The following FANCG variants were observed in gnomAD, a reference collection of about 807,000 sequenced individuals.
FANCG encodes Fanconi anemia group G protein.
FANCG carries 67 observed loss-of-function variants against 73.3 expected under a neutral mutation model. The observed-to-expected ratio is 0.91, with a 90% CI of 0.75 to 1.12. The LOEUF (loss-of-function observed/expected upper bound fraction) is 1.12. Among genes scored for constraint, FANCG ranks in the 50% most tolerant of loss-of-function variants. The pLI, the probability that FANCG is intolerant of heterozygous loss-of-function variation, is 0.00. For missense variants in FANCG, 643 were observed against 735.6 expected, an observed-to-expected ratio of 0.87 and a Z score of 1.46; for synonymous variants, 297 against 311.6, an observed-to-expected ratio of 0.95 and a Z score of 0.49.
intron 8 of FANCG, 136 bp downstream of exon 8, chr9:35,076,296 G>C (rs1379734004): frequency 6.9e-6 from 7 of 1,019,684 alleles, no homozygotes; most frequent in African/African-American, 6.3e-5. Context: ...AGCAAGGTAA[G>C]AGGCTGAGGA....
Position 35,074,985 on chromosome 9 carries a change from G to A in FANCG, c.1578C>T (p.Ala526=), listed in dbSNP as rs1060504371. The change falls in exon 12 of 14, where the codon GCC becomes GCT. Residue 526 remains alanine, a synonymous_variant. Transcript: ENST00000378643. ...ALISRGLEWV[A]SGQDTKALQD... is the part of the protein sequence containing the mutation. Reference sequence around the variant, plus strand: ...GTAAGGCTTTGGTATCCTGGCCGCTGGCTACCCATTCCAGTCCACGACTAA... The same window carrying A: ...GTAAGGCTTTGGTATCCTGGCCGCTAGCTACCCATTCCAGTCCACGACTAA... 1.1e-5 allele frequency: 18 copies of A among 1,614,094 alleles called. No homozygotes were observed. Among genetic ancestry groups the A allele is most frequent in the Non-Finnish European group, 1.4e-5 (16 of 1,180,048 alleles).
chr9:35,076,555 G>T lies in FANCG; in HGVS notation c.953C>A (p.Ala318Asp). 2 of 1,614,198 alleles carry T rather than the reference G, an allele frequency of 1.2e-6. No homozygotes were observed. Among genetic ancestry groups the T allele is most frequent in the Non-Finnish European group, 1.7e-6 (2 of 1,180,030 alleles). The part of the protein sequence containing the change: ...EALNVPCSSK[A>D]PQFLIEVELL... ...TTCTACCTCAATGAGAAACTGCGGG[G>T]CTTTGGAACTGCATGGGACATTCAA... Residue 318 changes from alanine (A) to aspartate (D), a missense_variant, in exon 8 of 14, where the codon GCC becomes GAC. Coordinates refer to ENST00000378643, the MANE Select transcript of FANCG (RefSeq NM_004629.2).
rs1456650306 is a variant in FANCG at position 35,077,041 on chromosome 9, G to C, written c.707C>G (p.Ala236Gly). The C allele has an allele frequency of 3.7e-6, 6 of 1,614,206 alleles. No homozygotes were observed. Among genetic ancestry groups the C allele is most frequent in the Non-Finnish European group, 5.1e-6 (6 of 1,180,052 alleles). ...CACAGGCCGTGGACACAGGCCTGAG[G>C]CCGCTTCATGAAGGCTGCTTAGTGC... Reference protein sequence around the residue: ...DKALSSLHEAASGLCPRPVLV... With the variant: ...DKALSSLHEAGSGLCPRPVLV... Residue 236 changes from alanine (A) to glycine (G), a missense_variant, in exon 6 of 14, where the codon GCC becomes GGC. By Grantham distance (60) the Ala-to-Gly change is moderately conservative. Coordinates refer to ENST00000378643, the MANE Select transcript of FANCG (RefSeq NM_004629.2).
rs1377278351 is a variant in FANCG at position 35,074,030 on chromosome 9, T to C, written c.*78A>G. ...TATATAGGAATGGTCACATTCCTAA[T>C]GATGGTGAAGCAGAAAGCCCTCCCC... is the stretch of plus-strand genomic sequence containing the variant. On this transcript the variant is annotated 3_prime_UTR_variant, in exon 14 of 14. Transcript: ENST00000378643. The C allele has an allele frequency of 2.9e-6, 3 of 1,034,562 alleles. No homozygotes were observed. Among genetic ancestry groups the C allele is most frequent in the African/African-American group, 3.1e-5 (2 of 63,814 alleles). 64.1% of individuals were successfully genotyped at this position (1,034,562 alleles called of 1,614,324 possible). A position where few individuals can be genotyped will look rare whatever the true frequency, so the allele number is the denominator to read the frequency against.
chr9:35,076,215 GAA>G (rs1169403821), intron 8 of FANCG, 187 bp from the exon 9 acceptor site: 1 of 797,230 alleles, frequency 1.3e-6, no homozygotes, highest in Non-Finnish European at 2.1e-6. Flanking sequence ...ATGGACTGGG[GAA>G]GAGACTTCAG....
Position 35,075,607 on chromosome 9 carries a change from T to A in FANCG, c.1291A>T (p.Met431Leu). ...LSRTSSLLPK[M>L]SRLWEDARKG... is the part of the protein sequence containing the mutation. The stretch of plus-strand genomic sequence containing the variant: ...CTGGCATCTTCCCACAGCCGGGACA[T>A]CTTGGGTAGCAGAGATGATGTGCGG... Residue 431 changes from methionine to leucine, a missense_variant, in exon 10 of 14, where the codon ATG becomes TTG. Met to Leu is a conservative substitution (Grantham distance 15). Coordinates refer to ENST00000378643, the MANE Select transcript of FANCG (RefSeq NM_004629.2). The A allele has an allele frequency of 6.2e-7, 1 of 1,613,720 alleles. No individual in the cohort carries two copies. The highest frequency in any genetic ancestry group is 8.5e-7 in the Non-Finnish European group (1 of 1,179,940).
In FANCG at chr9:35,077,040, G is replaced by A; in HGVS notation, c.708C>T (p.Ala236=). Residue 236 remains alanine, a synonymous_variant, in exon 6 of 14, where the codon GCC becomes GCT. Coordinates refer to ENST00000378643, the MANE Select transcript of FANCG (RefSeq NM_004629.2). The part of the protein sequence containing the change: ...DKALSSLHEA[A]SGLCPRPVLV... ...ACACAGGCCGTGGACACAGGCCTGAGGCCGCTTCATGAAGGCTGCTTAGTG... is the reference window on the plus strand; with the variant it reads ...ACACAGGCCGTGGACACAGGCCTGAAGCCGCTTCATGAAGGCTGCTTAGTG... 2 of 1,614,262 alleles carry A rather than the reference G, an allele frequency of 1.2e-6. No individual in the cohort carries two copies. The highest frequency in any genetic ancestry group is 1.7e-6 in the Non-Finnish European group (2 of 1,180,048).
At position 35,074,043 on chromosome 9, in the gene FANCG, G is replaced by C; in HGVS notation, c.*65C>G. The C allele has an allele frequency of 8.7e-7, 1 of 1,155,674 alleles. No individual in the cohort carries two copies. The highest frequency in any genetic ancestry group is 1.3e-6 in the Non-Finnish European group (1 of 761,786). The allele number at this position is 1,155,674 out of a possible 1,614,324, so 71.6% of individuals were successfully genotyped here. The stretch of plus-strand genomic sequence containing the variant: ...TCACATTCCTAATGATGGTGAAGCA[G>C]AAAGCCCTCCCCACAGAGAGACAGC... On this transcript the variant is annotated 3_prime_UTR_variant, in exon 14 of 14. Transcript: ENST00000378643.
At chr9:35,074,789 C>A in intron 12 of FANCG, 138 bp downstream of exon 12, 4 of 1,109,630 alleles carry the variant, frequency 3.6e-6, no homozygotes, top group African/African-American at 1.5e-5. Context: ...CTGGATATAT[C>A]CCTAGGTATA....
Position 35,076,994 on chromosome 9 carries a change from G to C in FANCG, c.754C>G (p.Leu252Val), listed in dbSNP as rs2131056443. Residue 252 changes from leucine (L) to valine (V), a missense_variant, in exon 6 of 14, where the codon CTG becomes GTG. Coordinates refer to ENST00000378643, the MANE Select transcript of FANCG (RefSeq NM_004629.2). ...ACCATCTTACGGTGACAGGACCCCAGTGCTGTGTACACCTGGACCAACACA... is the reference window on the plus strand; with the variant it reads ...ACCATCTTACGGTGACAGGACCCCACTGCTGTGTACACCTGGACCAACACA... ...RPVLVQVYTA[L>V]GSCHRKMGNP... 1 of 1,614,238 alleles carries C rather than the reference G, an allele frequency of 6.2e-7. No individual in the cohort carries two copies. Among genetic ancestry groups the C allele is most frequent in the Non-Finnish European group, 8.5e-7 (1 of 1,180,048 alleles).
intron 2 of FANCG, 81 bp downstream of exon 2, chr9:35,079,070 A>G: frequency 8.1e-7 from 1 of 1,236,126 alleles, no homozygotes; most frequent in Non-Finnish European, 1.2e-6. Context: ...GAGTAATTAT[A>G]TCGATCCCAA....
intron 8 of FANCG, 141 bp downstream of exon 8, chr9:35,076,291 G>C (rs1829081521): frequency 1.0e-6 from 1 of 983,002 alleles, no homozygotes. Flanking sequence ...CTAGAAGCAA[G>C]GTAAGAGGCT....
chr9:35,074,600 C>A (rs1829046647), intron 12 of FANCG, 106 bp from the exon 13 acceptor site: 1 of 1,454,594 alleles, frequency 6.9e-7, no homozygotes, highest in South Asian at 1.2e-5. Context: ...ATCTTGCCTA[C>A]ACTCACATAT....
intron 12 of FANCG, 144 bp from the exon 13 acceptor site, chr9:35,074,638 A>G (rs747659856): frequency 1.5e-5 from 17 of 1,117,156 alleles, no homozygotes; most frequent in Non-Finnish European, 2.1e-5. Flanking sequence ...ATTCACAACC[A>G]TTCCCATCCC....
rs1265878079 is a variant in FANCG at position 35,075,690 on chromosome 9, G to A, written c.1208C>T (p.Ala403Val). ...MPEVFLEAAV[A>V]LIQAGRAQDA... ...TTGGGCTCTGCCTGCCTGGATCAGT[G>A]CTACCGCTGCCTCCAAAAACACCTC... The change falls in exon 10 of 14, where the codon GCA (alanine) becomes GTA (valine). Residue 403 changes from alanine to valine, a missense_variant. By Grantham distance (64) the Ala-to-Val change is moderately conservative (BLOSUM62 0). Coordinates refer to ENST00000378643, the MANE Select transcript of FANCG (RefSeq NM_004629.2). The A allele has an allele frequency of 6.6e-7, 1 of 1,525,132 alleles. No homozygotes were observed. Among genetic ancestry groups the A allele is most frequent in the Non-Finnish European group, 8.9e-7 (1 of 1,126,044 alleles). The allele number at this position is 1,525,132 out of a possible 1,614,324, so 94.5% of individuals were successfully genotyped here. A position where few individuals can be genotyped will look rare whatever the true frequency, so the allele number is the denominator to read the frequency against.
intron 9 of FANCG, 83 bp downstream of exon 9, chr9:35,075,879 A>C: frequency 6.4e-7 from 1 of 1,573,036 alleles, no homozygotes; most frequent in Non-Finnish European, 8.7e-7. Flanking sequence ...AGAGGAAAAA[A>C]CAAAAAATTG....
Position 35,079,782 on chromosome 9 carries a change from T to C in FANCG, c.-258A>G. The C allele has an allele frequency of 1.8e-6, 1 of 553,582 alleles. No individual in the cohort carries two copies. Among genetic ancestry groups the C allele is most frequent in the Non-Finnish European group, 3.3e-6 (1 of 306,800 alleles). 34.3% of individuals were successfully genotyped at this position (553,582 alleles called of 1,614,324 possible). A position where few individuals can be genotyped will look rare whatever the true frequency, so the allele number is the denominator to read the frequency against. ...AAGCTCTGGGCTGCGGTTGGTCCTC[T>C]TGAAGAGTTAGTTCCCGCGGGAAAC... is the stretch of plus-strand genomic sequence containing the variant. On this transcript the variant is annotated 5_prime_UTR_variant, in exon 1 of 14. Coordinates refer to ENST00000378643, the MANE Select transcript of FANCG (RefSeq NM_004629.2).
chr9:35,074,591 T>C (rs754618275), intron 12 of FANCG, 97 bp from the exon 13 acceptor site: 202 of 1,515,710 alleles, frequency 1.3e-4, no homozygotes, highest in Non-Finnish European at 1.8e-4. Context: ...AGAGGAAGTA[T>C]CTTGCCTACA....
At chr9:35,074,704 C>A in intron 12 of FANCG, 1 of 857,780 alleles carries the variant, frequency 1.2e-6, no homozygotes, top group Non-Finnish European at 1.9e-6. Context: ...GAGTCATGGT[C>A]TTTGTGTCTG....
Sources: gnomAD v4.1 joint callset for allele counts on GRCh38, gnomAD v4.1.1 for gene constraint, MANE v1.5 for transcripts, NCBI Gene and HGNC (gene_info 2026-07-23, HGNC 2026-07-21) for gene names.